The following PHF14 variants were observed in gnomAD, a reference collection of about 807,000 sequenced individuals.
PHF14 encodes the protein PHD finger protein 14.
A neutral mutation model predicts 117.9 loss-of-function variants in PHF14; 55 were observed. The ratio of observed to expected loss-of-function variants is 0.47; its 90% CI spans 0.38 to 0.58. The LOEUF is 0.58. Ranked by LOEUF, PHF14 falls within the 20% of genes least tolerant of loss-of-function variation. The pLI is 0.00. For synonymous variants in PHF14, 409 were observed against 368.6 expected (o/e 1.11, Z -1.26); for missense variants, 978 against 1,122.2 (o/e 0.87, Z 1.84).
At chr7:11,113,561 C>T (rs933716864) in intron 17 of PHF14, among the ~76,000 whole-genome samples, 1 of 152,040 alleles carries the variant, frequency 6.6e-6, no homozygotes, top group Non-Finnish European at 1.5e-5. Context: ...AATGAAACAA[C>T]AGTGAAATGT....
chr7:11,103,309 AT>A (rs1787153250), intron 16 of PHF14: 1 of 872,790 alleles, frequency 1.1e-6, no homozygotes, highest in Non-Finnish European at 1.4e-6. Flanking sequence ...TATTGTTTTA[AT>A]ATAAGCTTTC....
chr7:11,135,008 C>T (rs1274180195), intron 17 of PHF14, among the ~76,000 whole-genome samples: 1 of 152,134 alleles, frequency 6.6e-6, no homozygotes, highest in African/African-American at 2.4e-5. Flanking sequence ...TTGACAGACC[C>T]TTCTAAGGTC....
At chr7:11,122,838 G>C (rs539934895) in intron 17 of PHF14, among the ~76,000 whole-genome samples, 1 of 152,046 alleles carries the variant, frequency 6.6e-6, no homozygotes, top group South Asian at 2.1e-4. Context: ...GTGTTTTCTT[G>C]GTCACCAATA....
chr7:11,056,074 T>C (rs1437676165), intron 14 of PHF14, among the ~76,000 whole-genome samples: 3 of 152,166 alleles, frequency 2.0e-5, no homozygotes, highest in Non-Finnish European at 4.4e-5. Context: ...AAAACCTCTA[T>C]CTGTCATAGA....
chr7:11,117,968 C>T (rs540950272), intron 17 of PHF14, among the ~76,000 whole-genome samples: 7 of 151,742 alleles, frequency 4.6e-5, no homozygotes, highest in South Asian at 2.1e-4. Context: ...TTTATATGGC[C>T]GACAGAGACA....
In PHF14 at chr7:10,984,752, C is replaced by T. The variant is rs138880923; in HGVS notation, c.900+1593C>T. On this transcript the variant is annotated intron_variant, in intron 3 of 17. Transcript: ENST00000634607. ...GTAGTATCTGTTTATTAAACCTGTA[C>T]TTCATAAATACTGCCTAAGAGGTTG... 1.3e-4 allele frequency among the ~76,000 whole-genome samples: 20 copies of T among 152,230 alleles called. 1 individual carries two copies. The highest frequency in any genetic ancestry group is 4.8e-4 in the African/African-American group (20 of 41,550).
Position 10,981,750 on chromosome 7 carries a change from C to A in PHF14, c.113-622C>A, listed in dbSNP as rs531636339. Among the ~76,000 whole-genome samples the A allele has an allele frequency of 5.3e-5, 8 of 152,266 alleles. No homozygotes were observed. The East Asian group carries it at 1.4e-3, about 26-fold the overall frequency. On this transcript the variant is annotated intron_variant, in intron 2 of 17. Coordinates refer to ENST00000634607, the MANE Select transcript of PHF14 (RefSeq NM_001007157.2). ...GGAAGATTGATAATTTCTCTTGCAA[C>A]TTCCTTTTTCTGTGCCATTGCTGTT... is the stretch of plus-strand genomic sequence containing the variant.
intron 16 of PHF14, chr7:11,105,941 A>G: frequency 1.0e-6 from 1 of 984,842 alleles, no homozygotes; most frequent in Non-Finnish European, 1.2e-6. Flanking sequence ...AGGGAAATAC[A>G]AAGTTACATG....
chr7:11,162,705 T>C (rs1789081877), intron 17 of PHF14, among the ~76,000 whole-genome samples: 1 of 150,996 alleles, frequency 6.6e-6, no homozygotes, highest in Non-Finnish European at 1.5e-5. Context: ...AAAGTCTTTT[T>C]TTTTTTTTTT....
chr7:11,054,997 G>C (rs1189990715), intron 14 of PHF14, among the ~76,000 whole-genome samples: 1 of 151,954 alleles, frequency 6.6e-6, no homozygotes, highest in Non-Finnish European at 1.5e-5. Flanking sequence ...CAAGCTCATG[G>C]ACCTGAACTC....
chr7:11,167,368 A>G (rs1203451253), intron 17 of PHF14, among the ~76,000 whole-genome samples: 7 of 152,190 alleles, frequency 4.6e-5, no homozygotes, highest in African/African-American at 1.7e-4. Flanking sequence ...GTAAGTTAAG[A>G]TTGCTAGAAG....
intron 16 of PHF14, chr7:11,103,136 C>T (rs1305080865): frequency 3.8e-5 from 37 of 977,614 alleles, no homozygotes; most frequent in Non-Finnish European, 4.3e-5. Context: ...AAGTGAAAGA[C>T]TTGTGAAGCA....
chr7:11,086,604 T>G (rs1174738169), intron 16 of PHF14, among the ~76,000 whole-genome samples: 1 of 152,190 alleles, frequency 6.6e-6, no homozygotes, highest in Non-Finnish European at 1.5e-5. Flanking sequence ...TATCACATAG[T>G]ATGCCCCCAG....
At chr7:11,128,201 G>C (rs1190558458) in intron 17 of PHF14, among the ~76,000 whole-genome samples, 1 of 151,900 alleles carries the variant, frequency 6.6e-6, no homozygotes, top group Non-Finnish European at 1.5e-5. Context: ...GCTATCTTTT[G>C]TGATCTCCTT....
rs1471554283 is a variant in PHF14 at position 11,036,997 on chromosome 7, G to T, written c.1886G>T (p.Arg629Leu). The T allele has an allele frequency of 2.0e-6, 3 of 1,500,708 alleles. No homozygotes were observed. The highest frequency in any genetic ancestry group is 4.7e-5 in the East Asian group (2 of 42,418). The allele number at this position is 1,500,708 out of a possible 1,614,324, so 93.0% of individuals were successfully genotyped here. A position where few individuals can be genotyped will look rare whatever the true frequency, so the allele number is the denominator to read the frequency against. Reference protein sequence around the residue: ...FVNYYFERNMRMIQIQENMAE... With the variant: ...FVNYYFERNMLMIQIQENMAE... ...TTCATTTAAATAGAGAGAAATATGC[G>T]CATGATTCAAATTCAGGAAAATATG... is the stretch of plus-strand genomic sequence containing the variant. The change falls in exon 10 of 18, where the codon CGC becomes CTC. Residue 629 changes from arginine (R) to leucine (L), a missense_variant. Physicochemically the swap from Arg to Leu is moderately radical, Grantham distance 102. Transcript: ENST00000634607.
intron 17 of PHF14, among the ~76,000 whole-genome samples, chr7:11,165,088 C>T (rs1234679712): frequency 4.6e-5 from 7 of 152,144 alleles, no homozygotes; most frequent in Middle Eastern, 3.2e-3. Context: ...CCACACCCAG[C>T]GAATAATTGT....
At chr7:11,129,236 G>GC (rs1325926057) in intron 17 of PHF14, among the ~76,000 whole-genome samples, 1 of 152,044 alleles carries the variant, frequency 6.6e-6, no homozygotes, top group African/African-American at 2.4e-5. Flanking sequence ...GAGGCCCAAG[G>GC]CTGTTTATTG....
At chr7:10,985,828 T>A (rs1033936065) in intron 3 of PHF14, among the ~76,000 whole-genome samples, 1 of 151,790 alleles carries the variant, frequency 6.6e-6, no homozygotes, top group Non-Finnish European at 1.5e-5. Flanking sequence ...CATTTTTGTA[T>A]TTTTAGTAGA....
intron 17 of PHF14, among the ~76,000 whole-genome samples, chr7:11,129,551 T>TC (rs1300552883): frequency 5.7e-5 from 8 of 140,742 alleles, no homozygotes; most frequent in Admixed American, 3.5e-4. Flanking sequence ...TATGTTTCTT[T>TC]TTTTTTTTTT....
Sources: allele counts gnomAD v4.1 joint callset (sites outside exome capture counted in the v4.1 genomes callset), GRCh38; gene constraint gnomAD v4.1.1; transcripts MANE v1.5; gene names NCBI Gene and HGNC (gene_info 2026-07-23, HGNC 2026-07-21).